The following CCDC158 variants were observed in gnomAD, a reference collection of about 807,000 sequenced individuals.
The protein encoded by CCDC158 is coiled-coil domain containing 158, also known as coiled-coil domain-containing protein 158.
A neutral mutation model predicts 138.6 loss-of-function variants in CCDC158; 116 were observed. The observed-to-expected ratio is 0.84, with a 90% CI of 0.72 to 0.98. The LOEUF is 0.98. CCDC158 is among the 50% of genes least tolerant of loss of function. CCDC158 has a pLI of 0.00. For missense variants in CCDC158, 1,265 were observed against 1,306.1 expected, an observed-to-expected ratio of 0.97 and a Z score of 0.48; for synonymous variants, 436 against 442.4, an observed-to-expected ratio of 0.99 and a Z score of 0.18.
chr4:76,319,296 G>T (rs1225623344), intron 24 of CCDC158, among the ~76,000 whole-genome samples: 2 of 149,868 alleles, frequency 1.3e-5, no homozygotes, highest in Admixed American at 1.3e-4. Context: ...AGCTAGGCAT[G>T]GTGGCATGTG....
intron 18 of CCDC158, among the ~76,000 whole-genome samples, chr4:76,336,617 T>C (rs1281037662): frequency 6.6e-5 from 10 of 152,276 alleles, no homozygotes; most frequent in African/African-American, 2.4e-4. Context: ...CTTCCCTCCA[T>C]ACCCATACAC....
At chr4:76,335,109 A>G (rs1721359020) in intron 18 of CCDC158, among the ~76,000 whole-genome samples, 1 of 152,194 alleles carries the variant, frequency 6.6e-6, no homozygotes, top group African/African-American at 2.4e-5. Flanking sequence ...TGTCATGATG[A>G]GTCAGTCTAA....
chr4:76,377,316 A>G (rs1725809861), intron 9 of CCDC158, among the ~76,000 whole-genome samples: 1 of 152,234 alleles, frequency 6.6e-6, no homozygotes, highest in African/African-American at 2.4e-5. Flanking sequence ...CTTTTCAAAA[A>G]GTTTGTCAAT....
At chr4:76,359,387 T>C (rs897222856) in intron 13 of CCDC158, among the ~76,000 whole-genome samples, 3 of 151,960 alleles carry the variant, frequency 2.0e-5, no homozygotes, top group African/African-American at 7.3e-5. Flanking sequence ...CAGATACAGG[T>C]TGTAACAGTT....
At chr4:76,389,320 T>C (rs2109801537) in intron 4 of CCDC158, among the ~76,000 whole-genome samples, 1 of 152,128 alleles carries the variant, frequency 6.6e-6, no homozygotes, top group East Asian at 1.9e-4. Context: ...GCAATTGCTG[T>C]ATTGAAGAAT....
At position 76,353,225 on chromosome 4, in the gene CCDC158, A is replaced by C; in HGVS notation, c.2343T>G (p.Val781=). The C allele has an allele frequency of 6.2e-7, 1 of 1,613,574 alleles. No individual in the cohort carries two copies. The highest frequency in any genetic ancestry group is 1.3e-5 in the African/African-American group (1 of 75,020). Residue 781 remains valine (V), a synonymous_variant, in exon 16 of 25, where the codon GTT becomes GTG. Coordinates refer to ENST00000682701, the MANE Select transcript of CCDC158 (RefSeq NM_001394954.1). The part of the protein sequence containing the change: ...KSKLSQELST[V]ATEKNKMAGE... ...CAGCCATCTTGTTTTTTTCTGTGGC[A>C]ACAGTACTCAATTCCTGACTGAGTT...
chr4:76,366,138 T>G (rs1578985990), intron 12 of CCDC158, among the ~76,000 whole-genome samples: 1 of 152,152 alleles, frequency 6.6e-6, no homozygotes, highest in African/African-American at 2.4e-5. Flanking sequence ...ACAACCATCC[T>G]TTCTCCTCTG....
At chr4:76,353,096 T>G in intron 16 of CCDC158, 27 bp downstream of exon 16, 1 of 1,565,562 alleles carries the variant, frequency 6.4e-7, no homozygotes, top group Non-Finnish European at 8.7e-7. Context: ...AGTTGATAAT[T>G]ACTTCATATG....
At chr4:76,342,405 CT>C (rs1246062769) in intron 18 of CCDC158, among the ~76,000 whole-genome samples, 7 of 152,128 alleles carry the variant, frequency 4.6e-5, no homozygotes, top group African/African-American at 1.7e-4. Context: ...CTCATTTCCC[CT>C]GTCTGTAAAA....
chr4:76,405,125 A>G (rs1728715310), intron 2 of CCDC158, among the ~76,000 whole-genome samples: 4 of 152,206 alleles, frequency 2.6e-5, no homozygotes, highest in Admixed American at 6.5e-5. Flanking sequence ...AAGATAATGA[A>G]AAAATCCTCA....
chr4:76,402,200 A>G (rs750568686), intron 3 of CCDC158: 4 of 152,232 alleles, frequency 2.6e-5, no homozygotes, highest in Non-Finnish European at 4.4e-5. Flanking sequence ...CAAGGAAGGG[A>G]AAGTGCAGGT....
chr4:76,378,064 A>G (rs1725879280), intron 9 of CCDC158, among the ~76,000 whole-genome samples: 1 of 152,208 alleles, frequency 6.6e-6, no homozygotes, highest in African/African-American at 2.4e-5. Context: ...GAGATTATAC[A>G]GTTTCATGTT....
At chr4:76,343,203 A>C (rs1352859527) in intron 18 of CCDC158, among the ~76,000 whole-genome samples, 1 of 152,220 alleles carries the variant, frequency 6.6e-6, no homozygotes. Context: ...TGACAGATTT[A>C]TACCTATAAG....
At chr4:76,336,063 T>G (rs894801300) in intron 18 of CCDC158, among the ~76,000 whole-genome samples, 20 of 151,070 alleles carry the variant, frequency 1.3e-4, no homozygotes, top group African/African-American at 4.9e-4. Flanking sequence ...GCACCTGTAG[T>G]CCCAGCTACT....
At chr4:76,355,573 T>G in intron 14 of CCDC158, 137 bp from the exon 15 acceptor site, 1 of 661,156 alleles carries the variant, frequency 1.5e-6, no homozygotes, top group Non-Finnish European at 2.7e-6. Context: ...GAAAAGATCA[T>G]GGACGAATGT....
chr4:76,335,072 T>A (rs531053290), intron 18 of CCDC158, among the ~76,000 whole-genome samples: 1 of 152,322 alleles, frequency 6.6e-6, no homozygotes, highest in South Asian at 2.1e-4. Flanking sequence ...TCTTTCCAGT[T>A]TACTGATGGC....
chr4:76,396,359 T>C lies in CCDC158; in HGVS notation c.198A>G (p.Lys66=), dbSNP rs1355026221. ...GTTCCTTTCCAGGAGATGGGATGATTTTTCTAGGAGAATCAAGTTCCACTT... is the reference window on the plus strand; with the variant it reads ...GTTCCTTTCCAGGAGATGGGATGATCTTTCTAGGAGAATCAAGTTCCACTT... ...KYEVELDSPR[K]IIPSPGKEHF... is the part of the protein sequence containing the mutation. Residue 66 remains lysine (K), a synonymous_variant, in exon 4 of 25, where the codon AAA becomes AAG. Transcript: ENST00000682701. The C allele has an allele frequency of 1.2e-6, 2 of 1,614,012 alleles. No homozygotes were observed. The highest frequency in any genetic ancestry group is 1.7e-6 in the Non-Finnish European group (2 of 1,179,926).
intron 1 of CCDC158, among the ~76,000 whole-genome samples, chr4:76,418,833 T>C (rs1729897996): frequency 6.6e-6 from 1 of 152,132 alleles, no homozygotes; most frequent in African/African-American, 2.4e-5. Flanking sequence ...TCAAGGAAAG[T>C]GGGAAGTGTA....
At chr4:76,351,992 T>A (rs1414929908) in intron 16 of CCDC158, 180 bp from the exon 17 acceptor site, 1 of 530,068 alleles carries the variant, frequency 1.9e-6, no homozygotes, top group South Asian at 2.9e-5. Context: ...GGAGGCCATG[T>A]TTTTATCCTC....
Sources: gnomAD v4.1 joint callset for allele counts (sites outside exome capture counted in the v4.1 genomes callset) on GRCh38, gnomAD v4.1.1 for gene constraint, MANE v1.5 for transcripts, NCBI Gene and HGNC (gene_info 2026-07-23, HGNC 2026-07-21) for gene names.